Variants in TRAPPC9 observed in about 807,000 individuals in gnomAD.
TRAPPC9 encodes the protein trafficking protein particle complex subunit 9.
Under a neutral mutation model 124.0 loss-of-function variants are expected in TRAPPC9, and 83 were observed. That is an observed-to-expected ratio of 0.67 (90% CI 0.56 to 0.80). The LOEUF is 0.80. Among genes scored for constraint, TRAPPC9 ranks in the 30% least tolerant of loss-of-function variants. TRAPPC9 has a pLI of 0.00. For missense variants in TRAPPC9, 1,302 were observed against 1,508.3 expected, an observed-to-expected ratio of 0.86 and a Z score of 2.27; for synonymous variants, 638 against 617.5, an observed-to-expected ratio of 1.03 and a Z score of -0.49.
rs370470592 is a variant in TRAPPC9, at chr8:140,268,682, A to G, written c.2278+6976T>C. Among the ~76,000 whole-genome samples, 3 of 152,268 alleles carry G rather than the reference A, an allele frequency of 2.0e-5. No homozygotes were observed. In the East Asian group the frequency reaches 5.8e-4, roughly 29 times the overall value. ...TCTTCTGCTTTCACTTTCCCTGTGCATAAAGCCAGGGTGGCCCTATGTGCC... is the reference window on the plus strand; with the variant it reads ...TCTTCTGCTTTCACTTTCCCTGTGCGTAAAGCCAGGGTGGCCCTATGTGCC... On this transcript the variant is annotated intron_variant, in intron 15 of 22. Transcript: ENST00000438773.
At chr8:139,829,919 T>G (rs1340690674) in intron 21 of TRAPPC9, among the ~76,000 whole-genome samples, 1 of 152,226 alleles carries the variant, frequency 6.6e-6, no homozygotes, top group African/African-American at 2.4e-5. Flanking sequence ...CAGCCACATG[T>G]GTGTCCACAG....
intron 16 of TRAPPC9, among the ~76,000 whole-genome samples, chr8:140,243,699 A>G (rs1174184953): frequency 6.6e-6 from 1 of 152,242 alleles, no homozygotes; most frequent in Non-Finnish European, 1.5e-5. Context: ...AGACAGGAAG[A>G]TTCCTTACAT....
chr8:139,818,974 C>A (rs189405074), intron 21 of TRAPPC9, among the ~76,000 whole-genome samples: 1 of 152,228 alleles, frequency 6.6e-6, no homozygotes, highest in African/African-American at 2.4e-5. Flanking sequence ...GGTCCCCAAC[C>A]CCCTGGCCAC....
chr8:139,874,927 C>T (rs984232178), intron 21 of TRAPPC9, among the ~76,000 whole-genome samples: 1 of 152,216 alleles, frequency 6.6e-6, no homozygotes, highest in South Asian at 2.1e-4. Flanking sequence ...AAAGCCTCTC[C>T]ACCCACCGGT....
At chr8:140,340,413 T>C (rs1255930211) in intron 9 of TRAPPC9, among the ~76,000 whole-genome samples, 1 of 152,210 alleles carries the variant, frequency 6.6e-6, no homozygotes, top group Non-Finnish European at 1.5e-5. Flanking sequence ...TAAAAATATG[T>C]AGGTCTCTTA....
chr8:140,350,730 T>C (rs946827451), intron 9 of TRAPPC9, among the ~76,000 whole-genome samples: 2 of 151,814 alleles, frequency 1.3e-5, no homozygotes, highest in Non-Finnish European at 2.9e-5. Flanking sequence ...GGTGGAAAAG[T>C]CTTGGCACGT....
chr8:139,970,203 A>G (rs1160374959), intron 19 of TRAPPC9, among the ~76,000 whole-genome samples: 1 of 152,202 alleles, frequency 6.6e-6, no homozygotes, highest in Non-Finnish European at 1.5e-5. Context: ...AAAGAGAAGG[A>G]GCCGGGCATC....
chr8:140,215,515 G>A (rs553167995), intron 17 of TRAPPC9, among the ~76,000 whole-genome samples: 4 of 151,922 alleles, frequency 2.6e-5, no homozygotes, highest in African/African-American at 4.8e-5. Flanking sequence ...TCCTGGTGGC[G>A]GACACCTGTA....
intron 17 of TRAPPC9, among the ~76,000 whole-genome samples, chr8:140,068,606 G>T (rs985475654): frequency 1.3e-5 from 2 of 152,184 alleles, no homozygotes; most frequent in Non-Finnish European, 2.9e-5. Context: ...ATGAAATCAG[G>T]CCGCTAGTTA....
At position 139,975,927 on chromosome 8, in the gene TRAPPC9, C is replaced by CTTTTTTTTTTTTTTTTTTTTTT. The variant is rs528679775; in HGVS notation, c.2810+12777_2810+12798dup. Among the ~76,000 whole-genome samples the CTTTTTTTTTTTTTTTTTTTTTT allele has an allele frequency of 3.1e-5, 3 of 95,566 alleles. 1 individual carries two copies. The highest frequency in any genetic ancestry group is 6.0e-5 in the Non-Finnish European group (3 of 50,394). The allele number at this position is 95,566 out of a possible 152,430, so 62.7% of individuals were successfully genotyped here. A position where few individuals can be genotyped will look rare whatever the true frequency, so the allele number is the denominator to read the frequency against. ...AGCCATCCAATGGAGAAAGGACAGT[C>CTTTTTTTTTTTTTTTTTTTTTT]TTTTTTTTTTTTTTTTTTTTTTTGA... On this transcript the variant is annotated intron_variant, in intron 19 of 22. Transcript: ENST00000438773.
At chr8:140,033,421 T>C (rs1328187724) in intron 17 of TRAPPC9, among the ~76,000 whole-genome samples, 1 of 151,944 alleles carries the variant, frequency 6.6e-6, no homozygotes, top group Admixed American at 6.6e-5. Flanking sequence ...GGGTCATACA[T>C]CTAAACATAT....
At chr8:140,112,105 C>A (rs114424987) in intron 17 of TRAPPC9, among the ~76,000 whole-genome samples, 1 of 152,250 alleles carries the variant, frequency 6.6e-6, no homozygotes, top group Non-Finnish European at 1.5e-5. Flanking sequence ...GACATGTCAA[C>A]GGGAAGCTTT....
chr8:139,821,574 C>A (rs188584128), intron 21 of TRAPPC9, among the ~76,000 whole-genome samples: 16 of 152,318 alleles, frequency 1.1e-4, no homozygotes, highest in Admixed American at 3.3e-4. Context: ...GGGTCCAGAC[C>A]GGGCTTCTCC....
intron 21 of TRAPPC9, among the ~76,000 whole-genome samples, chr8:139,766,151 A>G (rs932436943): frequency 6.6e-6 from 1 of 152,254 alleles, no homozygotes; most frequent in Admixed American, 6.5e-5. Flanking sequence ...TAGGGCGCAG[A>G]GATGGAAAGA....
At chr8:140,355,191 C>T (rs2067703293) in intron 9 of TRAPPC9, among the ~76,000 whole-genome samples, 1 of 152,178 alleles carries the variant, frequency 6.6e-6, no homozygotes, top group East Asian at 1.9e-4. Context: ...ACAAGGGGCA[C>T]CTGACACCTC....
intron 17 of TRAPPC9, among the ~76,000 whole-genome samples, 172 bp from the exon 18 acceptor site, chr8:140,024,251 C>A (rs1563698043): frequency 6.6e-6 from 1 of 152,000 alleles, no homozygotes; most frequent in Non-Finnish European, 1.5e-5. Context: ...ACACCCCCGG[C>A]GGGGACCGAC....
chr8:140,129,242 G>C (rs1028123809), intron 17 of TRAPPC9, among the ~76,000 whole-genome samples: 1 of 152,112 alleles, frequency 6.6e-6, no homozygotes, highest in African/African-American at 2.4e-5. Context: ...GCAGGTATCC[G>C]TGAGGAGGGG....
At chr8:140,365,420 G>A (rs1408602184) in intron 8 of TRAPPC9, among the ~76,000 whole-genome samples, 6 of 152,220 alleles carry the variant, frequency 3.9e-5, no homozygotes, top group African/African-American at 1.4e-4. Context: ...TAAGAAATGA[G>A]GTTACGCATG....
At chr8:140,344,942 T>C (rs981869119) in intron 9 of TRAPPC9, among the ~76,000 whole-genome samples, 2 of 152,244 alleles carry the variant, frequency 1.3e-5, no homozygotes, top group Non-Finnish European at 2.9e-5. Flanking sequence ...CTCCAGGACT[T>C]CCTGATGTAC....
Sources: gnomAD v4.1 joint callset for allele counts (sites outside exome capture counted in the v4.1 genomes callset) on GRCh38, gnomAD v4.1.1 for gene constraint, MANE v1.5 for transcripts, NCBI Gene and HGNC (gene_info 2026-07-23, HGNC 2026-07-21) for gene names.